Variants in FHL5 observed in about 807,000 individuals in gnomAD.
FHL5 encodes four and a half LIM domains 5, also known as four and a half LIM domains protein 5.
A neutral mutation model predicts 32.0 loss-of-function variants in FHL5; 33 were observed. That is an observed-to-expected ratio of 1.03 (90% CI 0.78 to 1.38). The LOEUF (loss-of-function observed/expected upper bound fraction) is 1.38. Among genes scored for constraint, FHL5 ranks in the 40% most tolerant of loss-of-function variants. The pLI, the probability that FHL5 is intolerant of heterozygous loss-of-function variation, is 0.00. For synonymous variants in FHL5, 114 were observed against 113.6 expected, an observed-to-expected ratio of 1.00 and a Z score of -0.02; for missense variants, 336 against 343.9, an observed-to-expected ratio of 0.98 and a Z score of 0.18.
chr6:96,573,493 C>T (rs563606639), intron 1 of FHL5, among the ~76,000 whole-genome samples: 2 of 148,012 alleles, frequency 1.4e-5, no homozygotes, highest in South Asian at 4.4e-4. Flanking sequence ...TTCCCTTGAA[C>T]ATTTTGATAG....
chr6:96,567,825 C>CTTTTTTTTTTTTTTTT (rs757441385), intron 1 of FHL5, among the ~76,000 whole-genome samples: 1 of 110,516 alleles, frequency 9.0e-6, no homozygotes, highest in African/African-American at 3.5e-5. Flanking sequence ...TTTTTGTATT[C>CTTTTTTTTTTTTTTTT]TTTTTTTTTT....
intron 1 of FHL5, among the ~76,000 whole-genome samples, chr6:96,572,219 ATCAGTT>A (rs1770494008): frequency 6.6e-6 from 1 of 152,186 alleles, no homozygotes; most frequent in Admixed American, 6.5e-5. Context: ...GATGCGGGGC[ATCAGTT>A]CAGCTTAAGT....
intron 4 of FHL5, among the ~76,000 whole-genome samples, chr6:96,607,415 AC>A (rs558513169): frequency 1.3e-3 from 198 of 151,116 alleles, no homozygotes; most frequent in African/African-American, 4.7e-3. Flanking sequence ...ATACACACAC[AC>A]ACACACACAC....
rs144126842 is a variant in FHL5, at chr6:96,591,123, T to C, written c.-12-12479T>C. Among the ~76,000 whole-genome samples the C allele has an allele frequency of 2.9e-3, 449 of 152,266 alleles. 1 individual carries two copies. The highest frequency in any genetic ancestry group is 0.01 in the African/African-American group (427 of 41,578). On this transcript the variant is annotated intron_variant, in intron 1 of 5. Transcript: ENST00000450218. The stretch of plus-strand genomic sequence containing the variant: ...ACCAGAGCATGTTCTCTGTTTGTAC[T>C]TACTTGATTTGGTTTGTGTGAGATT...
At chr6:96,579,389 A>G (rs770804338) in intron 1 of FHL5, among the ~76,000 whole-genome samples, 3 of 152,202 alleles carry the variant, frequency 2.0e-5, no homozygotes, top group Non-Finnish European at 2.9e-5. Context: ...ATTTTTGTAT[A>G]TGCTAGCTAT....
At position 96,617,229 on chromosome 6, in the gene FHL5, G is replaced by A. The variant is rs564744336; in HGVS notation, c.*1457G>A. Among the ~76,000 whole-genome samples the A allele has an allele frequency of 2.3e-4, 35 of 152,328 alleles. No individual in the cohort carries two copies. The highest frequency in any genetic ancestry group is 5.0e-4 in the Non-Finnish European group (34 of 68,036). On this transcript the variant is annotated 3_prime_UTR_variant, in exon 6 of 6. Transcript: ENST00000450218. Reference sequence around the variant, plus strand: ...TTGGTTATAGCATCTCTTGGATGGAGTAGAGGGAGGTCAGGAGAAGAAGCC... The same window carrying A: ...TTGGTTATAGCATCTCTTGGATGGAATAGAGGGAGGTCAGGAGAAGAAGCC...
chr6:96,616,003 C>T lies in FHL5; in HGVS notation c.*231C>T, dbSNP rs1771512630. On this transcript the variant is annotated 3_prime_UTR_variant, in exon 6 of 6. Transcript: ENST00000450218. The stretch of plus-strand genomic sequence containing the variant: ...AGACAACTCTCCTTGCAAAATACTG[C>T]ACTCTGCTGTTAGAAGCAGAGGAAA... 1.2e-5 allele frequency: 4 copies of T among 330,880 alleles called. No individual in the cohort carries two copies. In the South Asian group the frequency reaches 3.3e-4, roughly 28 times the overall value. The allele number at this position is 330,880 out of a possible 1,614,324, so 20.5% of individuals were successfully genotyped here. A position where few individuals can be genotyped will look rare whatever the true frequency, so the allele number is the denominator to read the frequency against.
intron 1 of FHL5, among the ~76,000 whole-genome samples, chr6:96,603,320 A>G (rs1025943677): frequency 6.6e-6 from 1 of 152,150 alleles, no homozygotes; most frequent in African/African-American, 2.4e-5. Flanking sequence ...ATTCCACATT[A>G]GCTTATGATA....
Position 96,616,028 on chromosome 6 carries a change from A to G in FHL5, c.*256A>G, listed in dbSNP as rs561563184. On this transcript the variant is annotated 3_prime_UTR_variant, in exon 6 of 6. Coordinates refer to ENST00000450218, the MANE Select transcript of FHL5 (RefSeq NM_001322466.2). ...CACTCTGCTGTTAGAAGCAGAGGAA[A>G]ATATCTCTTCATAATCAAATATATG... The G allele has an allele frequency of 3.8e-6, 1 of 263,942 alleles. No individual in the cohort carries two copies. Among genetic ancestry groups the G allele is most frequent in the Non-Finnish European group, 7.1e-6 (1 of 140,588 alleles). 16.4% of individuals were successfully genotyped at this position (263,942 alleles called of 1,614,324 possible).
intron 1 of FHL5, among the ~76,000 whole-genome samples, chr6:96,569,921 T>A (rs1488876226): frequency 6.6e-6 from 1 of 151,912 alleles, no homozygotes; most frequent in Non-Finnish European, 1.5e-5. Flanking sequence ...AGTGAGGACT[T>A]AACATCCACC....
intron 5 of FHL5, among the ~76,000 whole-genome samples, chr6:96,612,658 C>A (rs564919135): frequency 6.6e-6 from 1 of 152,168 alleles, no homozygotes; most frequent in South Asian, 2.1e-4. Context: ...CAAAAGTAAT[C>A]TAAATTTTAC....
chr6:96,615,351 A>G lies in FHL5; in HGVS notation c.692-258A>G, dbSNP rs896867765. 2.6e-5 allele frequency among the ~76,000 whole-genome samples: 4 copies of G among 152,152 alleles called. No individual in the cohort carries two copies. The East Asian group carries it at 5.8e-4, about 22-fold the overall frequency. On this transcript the variant is annotated intron_variant, in intron 5 of 5. Coordinates refer to ENST00000450218, the MANE Select transcript of FHL5 (RefSeq NM_001322466.2). ...CTGTTTCCAAAAATACCTGACTTGC[A>G]TATTAGCATTCTGCCTTCTTCTGTT...
chr6:96,609,096 C>A (rs189748644), intron 4 of FHL5, among the ~76,000 whole-genome samples: 108 of 152,226 alleles, frequency 7.1e-4, no homozygotes, highest in African/African-American at 2.4e-3. Flanking sequence ...GAATAGTATG[C>A]TTTTTTCCCT....
At chr6:96,586,214 G>A (rs1418185311) in intron 1 of FHL5, among the ~76,000 whole-genome samples, 1 of 152,158 alleles carries the variant, frequency 6.6e-6, no homozygotes, top group Non-Finnish European at 1.5e-5. Context: ...CCAAATGGAT[G>A]TAGAAATATA....
rs573242304 is a variant in FHL5, at chr6:96,604,930, G to T, written c.334+6G>T. 1 of 1,586,928 alleles carries T rather than the reference G, an allele frequency of 6.3e-7. No homozygotes were observed. Reference sequence around the variant, plus strand: ...CAAGAGGACCATCATGCCTGGTAGGGTCTCAAGGGGGCTCCTGTCTCTAAC... The same window carrying T: ...CAAGAGGACCATCATGCCTGGTAGGTTCTCAAGGGGGCTCCTGTCTCTAAC... On this transcript the variant is annotated splice_donor_region_variant and intron_variant, in intron 3 of 5. Transcript: ENST00000450218.
intron 1 of FHL5, among the ~76,000 whole-genome samples, chr6:96,567,825 C>CTTTTTTTT (rs757441385): frequency 1.6e-4 from 18 of 110,534 alleles, no homozygotes; most frequent in African/African-American, 2.4e-4. Context: ...TTTTTGTATT[C>CTTTTTTTT]TTTTTTTTTT....
At chr6:96,591,146 A>G (rs957305489) in intron 1 of FHL5, among the ~76,000 whole-genome samples, 1 of 152,036 alleles carries the variant, frequency 6.6e-6, no homozygotes, top group Non-Finnish European at 1.5e-5. Context: ...TTTGTGTGAG[A>G]TTGCTGTTAT....
At chr6:96,606,244 C>CT (rs921104480) in intron 4 of FHL5, among the ~76,000 whole-genome samples, 173 bp downstream of exon 4, 118 of 145,614 alleles carry the variant, frequency 8.1e-4, no homozygotes, top group Admixed American at 1.8e-3. Flanking sequence ...GCATGACCAT[C>CT]TTTTTTTTTT....
At chr6:96,590,061 A>G (rs1482462564) in intron 1 of FHL5, among the ~76,000 whole-genome samples, 1 of 151,942 alleles carries the variant, frequency 6.6e-6, no homozygotes, top group East Asian at 1.9e-4. Flanking sequence ...CATCCACTAT[A>G]GTAGCTTTAT....
Sources: allele counts gnomAD v4.1 joint callset (sites outside exome capture counted in the v4.1 genomes callset), GRCh38; gene constraint gnomAD v4.1.1; transcripts MANE v1.5; gene names NCBI Gene and HGNC (gene_info 2026-07-23, HGNC 2026-07-21).